Variants in LYPLAL1 observed in about 807,000 individuals in gnomAD.
The protein encoded by LYPLAL1 is lysophospholipase like 1.
In LYPLAL1, 23 loss-of-function variants were observed where a neutral mutation model predicts 19.7. The observed-to-expected ratio is 1.17, with a 90% CI of 0.84 to 1.65. The LOEUF (loss-of-function observed/expected upper bound fraction) is 1.65, where lower values mean the gene tolerates loss of function less well. Ranked by LOEUF, LYPLAL1 falls within the 40% of genes most tolerant of loss-of-function variation. LYPLAL1 has a pLI of 0.00. For synonymous variants in LYPLAL1, 119 were observed against 96.3 expected (o/e 1.24, Z -1.38); for missense variants, 355 against 279.4 (o/e 1.27, Z -1.93).
At chr1:219,259,137 A>G in the LYPLAL1 span, among the ~76,000 whole-genome samples, 1 of 152,078 alleles carries the variant, frequency 6.6e-6, no homozygotes, top group African/African-American at 2.4e-5. Context: ...GGATGTGGTG[A>G]AAAGGGAACA....
rs545934882 is a variant in LYPLAL1 at position 219,196,499 on chromosome 1, A to G, written c.361+3248A>G. Among the ~76,000 whole-genome samples, 4 of 152,184 alleles carry G rather than the reference A, an allele frequency of 2.6e-5. No individual in the cohort carries two copies. The South Asian group carries it at 8.3e-4, about 32-fold the overall frequency. ...CTGCATAAGTGTATTCTTTTGAGAA[A>G]TGTCTGAAGAGTCATTTATGACAAA... On this transcript the variant is annotated intron_variant, in intron 3 of 4. Transcript: ENST00000366928.
At chr1:219,367,177 G>A in the LYPLAL1 span, among the ~76,000 whole-genome samples, 1 of 151,958 alleles carries the variant, frequency 6.6e-6, no homozygotes, top group African/African-American at 2.4e-5. Context: ...GTAAACAAAA[G>A]GCATCATTCT....
the LYPLAL1 span, among the ~76,000 whole-genome samples, chr1:219,318,598 T>C: frequency 5.3e-5 from 8 of 152,170 alleles, no homozygotes; most frequent in African/African-American, 2.4e-5. Flanking sequence ...AATAGAAATA[T>C]CCATGCCAAA....
the LYPLAL1 span, among the ~76,000 whole-genome samples, chr1:219,405,650 A>G: frequency 6.6e-6 from 1 of 152,224 alleles, no homozygotes. Flanking sequence ...ATATTACCCA[A>G]TAAATGTTTG....
chr1:219,245,755 C>T, the LYPLAL1 span, among the ~76,000 whole-genome samples: 3 of 152,120 alleles, frequency 2.0e-5, no homozygotes, highest in Non-Finnish European at 4.4e-5. Flanking sequence ...TTACATTCCT[C>T]AACAGAATTT....
chr1:219,374,723 T>C, the LYPLAL1 span, among the ~76,000 whole-genome samples: 4 of 151,976 alleles, frequency 2.6e-5, no homozygotes, highest in Non-Finnish European at 5.9e-5. Flanking sequence ...TAAGGATTAC[T>C]TAAGATGTTT....
chr1:219,421,421 A>G, the LYPLAL1 span, among the ~76,000 whole-genome samples: 1 of 152,194 alleles, frequency 6.6e-6, no homozygotes, highest in Non-Finnish European at 1.5e-5. Flanking sequence ...ATTCATAGCC[A>G]ATTCTACCAT....
the LYPLAL1 span, chr1:219,412,011 A>G: frequency 6.6e-6 from 1 of 152,534 alleles, no homozygotes; most frequent in East Asian, 1.9e-4. Context: ...AGTATTGTGT[A>G]TAGTGTTAGA....
intron 3 of LYPLAL1, chr1:219,193,517 T>A (rs1423937236): frequency 4.6e-6 from 1 of 216,682 alleles, no homozygotes; most frequent in Non-Finnish European, 9.2e-6. Flanking sequence ...TAATTTTCAG[T>A]TAAGAAATTA....
chr1:219,204,275 A>G (rs1230094739), intron 3 of LYPLAL1, among the ~76,000 whole-genome samples: 1 of 152,242 alleles, frequency 6.6e-6, no homozygotes, highest in Non-Finnish European at 1.5e-5. Flanking sequence ...CAGTATAGTC[A>G]TTGACAGAAC....
chr1:219,309,670 C>T, the LYPLAL1 span, among the ~76,000 whole-genome samples: 4 of 152,100 alleles, frequency 2.6e-5, no homozygotes, highest in South Asian at 2.1e-4. Context: ...CATTTTCTGT[C>T]GCCTTCACCA....
At chr1:219,219,450 A>G in the LYPLAL1 span, among the ~76,000 whole-genome samples, 1 of 152,174 alleles carries the variant, frequency 6.6e-6, no homozygotes, top group African/African-American at 2.4e-5. Context: ...GGCCACCTCA[A>G]ACAGGACCAA....
At chr1:219,375,899 G>A in the LYPLAL1 span, among the ~76,000 whole-genome samples, 2 of 151,878 alleles carry the variant, frequency 1.3e-5, no homozygotes, top group Admixed American at 6.6e-5. Context: ...CCGCCACCAC[G>A]CCCAGCTAAC....
chr1:219,227,131 A>G, the LYPLAL1 span, among the ~76,000 whole-genome samples: 82 of 152,392 alleles, frequency 5.4e-4, no homozygotes, highest in East Asian at 5.8e-4. Flanking sequence ...GAATTAATTC[A>G]ATGAACATTT....
the LYPLAL1 span, among the ~76,000 whole-genome samples, chr1:219,411,547 G>A: frequency 6.6e-6 from 1 of 152,150 alleles, no homozygotes; most frequent in Non-Finnish European, 1.5e-5. Context: ...CAATCAGCAG[G>A]ATGTGGGTGG....
chr1:219,365,766 C>T, the LYPLAL1 span, among the ~76,000 whole-genome samples: 3 of 152,226 alleles, frequency 2.0e-5, no homozygotes, highest in African/African-American at 7.2e-5. Flanking sequence ...CAACACCTCC[C>T]AGGACAGCAC....
chr1:219,304,102 C>T, the LYPLAL1 span, among the ~76,000 whole-genome samples: 1 of 152,212 alleles, frequency 6.6e-6, no homozygotes, highest in Admixed American at 6.5e-5. Context: ...AAATTACCTT[C>T]TCTCTCTCTG....
the LYPLAL1 span, among the ~76,000 whole-genome samples, chr1:219,439,974 C>CACATATATATATACAT: frequency 3.5e-3 from 352 of 99,688 alleles, 10 homozygotes; most frequent in African/African-American, 0.015. Flanking sequence ...TATATATATA[C>CACATATATATATACAT]ATATATATAT....
the LYPLAL1 span, among the ~76,000 whole-genome samples, chr1:219,280,316 T>C: frequency 6.6e-6 from 1 of 152,168 alleles, no homozygotes; most frequent in Non-Finnish European, 1.5e-5. Flanking sequence ...TTTTAAAACT[T>C]AACAAAATAC....
Sources: allele counts gnomAD v4.1 joint callset (sites outside exome capture counted in the v4.1 genomes callset), GRCh38; gene constraint gnomAD v4.1.1; transcripts MANE v1.5; gene names NCBI Gene and HGNC (gene_info 2026-07-23, HGNC 2026-07-21).